The following KRTAP4-7 variants were observed in gnomAD, a reference collection of about 807,000 sequenced individuals.
The protein encoded by KRTAP4-7 is putative keratin-associated protein 4-X.
KRTAP4-7 carries 1 observed loss-of-function variant against 3.0 expected under a neutral mutation model. The observed-to-expected ratio is 0.33, with a 90% CI of 0.12 to 1.57. KRTAP4-7 has a LOEUF of 1.57. KRTAP4-7 is among the 40% of genes most tolerant of loss of function. The pLI is 0.37. For missense variants in KRTAP4-7, 199 were observed against 209.1 expected (o/e 0.95, Z 0.30); for synonymous variants, 70 against 74.6 (o/e 0.94, Z 0.32).
At chr17:41,084,760 G>A (rs1003678505) in exon 1 of KRTAP4-7, 5 of 1,484,464 alleles carry the variant, frequency 3.4e-6, no homozygotes, top group Non-Finnish European at 3.6e-6. Context: ...GATACATGAA[G>A]TGGGGTTGAT....
rs752287793 is a variant in KRTAP4-7 at position 41,084,351 on chromosome 17, T to A, written c.145T>A (p.Cys49Ser). Residue 49 changes from cysteine to serine, a missense_variant, in exon 1 of 1, where the codon TGC becomes AGC. Coordinates refer to ENST00000391417, the Ensembl canonical transcript of KRTAP4-7. ...CCGCCCCAGCTGTTGTGTGTCCAGC[T>A]GCTGCAGGCCCCAGTGCTGCCAGTC... 11 of 1,608,392 alleles carry A rather than the reference T, an allele frequency of 6.8e-6. No homozygotes were observed. The Admixed American group carries it at 1.9e-4, about 27-fold the overall frequency.
At chr17:41,084,890 G>A (rs1348575025) in exon 1 of KRTAP4-7, 16 of 717,986 alleles carry the variant, frequency 2.2e-5, no homozygotes, top group Non-Finnish European at 3.4e-5. Context: ...TCTGGTGGTG[G>A]CACCAAATGT....
exon 1 of KRTAP4-7, chr17:41,084,367 G>A: frequency 1.3e-6 from 2 of 1,574,946 alleles, no homozygotes; most frequent in Non-Finnish European, 1.7e-6. Context: ...AGGCCCCAGT[G>A]CTGCCAGTCT....
chr17:41,084,751 A>G, exon 1 of KRTAP4-7: 1 of 1,496,566 alleles, frequency 6.7e-7, no homozygotes. Context: ...GACCATTAGG[A>G]TACATGAAGT....
Sources: allele counts gnomAD v4.1 joint callset, GRCh38; gene constraint gnomAD v4.1.1; transcripts MANE v1.5; gene names NCBI Gene and HGNC (gene_info 2026-07-23, HGNC 2026-07-21).